ACTR10: variants seen among roughly 807,000 people sequenced by gnomAD.
ACTR10 encodes actin-related protein 10.
ACTR10 carries 43 observed loss-of-function variants against 56.2 expected under a neutral mutation model. That is an observed-to-expected ratio of 0.77 (90% confidence interval 0.60 to 0.99). ACTR10 has a LOEUF of 0.99. Ranked by LOEUF, ACTR10 falls within the 50% of genes least tolerant of loss-of-function variation. The pLI, the probability that ACTR10 is intolerant of heterozygous loss-of-function variation, is 0.00. For missense variants in ACTR10, 466 were observed against 507.8 expected (o/e 0.92, Z 0.79); for synonymous variants, 170 against 176.3 (o/e 0.96, Z 0.28).
intron 6 of ACTR10, among the ~76,000 whole-genome samples, chr14:58,214,557 C>T (rs559610450): frequency 7.2e-4 from 109 of 151,816 alleles, no homozygotes; most frequent in South Asian, 5.2e-3. Flanking sequence ...GAGGCATGAT[C>T]TCGGCTCACC....
intron 4 of ACTR10, among the ~76,000 whole-genome samples, chr14:58,210,829 A>G (rs891206515): frequency 2.0e-5 from 3 of 151,890 alleles, no homozygotes; most frequent in East Asian, 1.9e-4. Flanking sequence ...CAGATGCCAC[A>G]ACACCCAGCT....
intron 11 of ACTR10, among the ~76,000 whole-genome samples, chr14:58,230,745 T>C (rs1221880787): frequency 6.7e-6 from 1 of 150,200 alleles, no homozygotes; most frequent in Non-Finnish European, 1.5e-5. Context: ...CCCAGGATAA[T>C]GAGTGCCATG....
At chr14:58,213,508 A>T in intron 5 of ACTR10, 123 bp from the exon 6 acceptor site, 1 of 506,872 alleles carries the variant, frequency 2.0e-6, no homozygotes. Context: ...TAACTATGTT[A>T]AAAATAAGAA....
In ACTR10 at chr14:58,200,197, C is replaced by T. The variant is rs778042043; in HGVS notation, c.-21C>T. On this transcript the variant is annotated 5_prime_UTR_variant, in exon 1 of 13. Coordinates refer to ENST00000254286, the MANE Select transcript of ACTR10 (RefSeq NM_018477.3). ...TGGCCGCGGAGACTGCGACCCTCTTCTCTCAGTCTGCCTTACTACCATGCC... is the reference window on the plus strand; with the variant it reads ...TGGCCGCGGAGACTGCGACCCTCTTTTCTCAGTCTGCCTTACTACCATGCC... 5.3e-6 allele frequency: 8 copies of T among 1,506,428 alleles called. No individual in the cohort carries two copies. Among genetic ancestry groups the T allele is most frequent in the East Asian group, 2.7e-5 (1 of 36,868 alleles). The allele number at this position is 1,506,428 out of a possible 1,614,324, so 93.3% of individuals were successfully genotyped here.
intron 10 of ACTR10, among the ~76,000 whole-genome samples, chr14:58,226,683 C>CT (rs960057170): frequency 1.1e-4 from 17 of 152,008 alleles, no homozygotes; most frequent in African/African-American, 4.1e-4. Flanking sequence ...TCACCACAAC[C>CT]CCCACCTCCC....
chr14:58,223,636 GTA>G lies in ACTR10; in HGVS notation c.650_651del (p.Val217GlufsTer2). ...CTTCCTTAAAGCGCGTACTTGCTTT[GTA>G]AGTGATCTGAAGCGAGGACTAAAAA... is the stretch of plus-strand genomic sequence containing the variant. ...LEDIKARTCF[V>X]SDLKRGLKIQ... On this transcript the variant is annotated frameshift_variant, in exon 9 of 13. Coordinates refer to ENST00000254286, the MANE Select transcript of ACTR10 (RefSeq NM_018477.3). LOFTEE classifies it high-confidence loss of function. 6.2e-7 allele frequency: 1 copy of G among 1,612,666 alleles called. No homozygotes were observed. The highest frequency in any genetic ancestry group is 8.5e-7 in the Non-Finnish European group (1 of 1,179,576).
intron 1 of ACTR10, among the ~76,000 whole-genome samples, chr14:58,201,188 CT>C (rs1336911237): frequency 1.3e-5 from 2 of 152,144 alleles, no homozygotes; most frequent in Admixed American, 6.6e-5. Context: ...TTAAAAGAGC[CT>C]ATTTAAAAAT....
chr14:58,214,576 C>T (rs1294129026), intron 6 of ACTR10, among the ~76,000 whole-genome samples: 2 of 151,444 alleles, frequency 1.3e-5, no homozygotes, highest in Admixed American at 1.3e-4. Flanking sequence ...CCGCAACCTC[C>T]GCTGCCTGGT....
At chr14:58,232,402 T>TAC (rs1889561189) in intron 12 of ACTR10, 135 bp downstream of exon 12, 1 of 425,596 alleles carries the variant, frequency 2.3e-6, no homozygotes, top group African/African-American at 2.3e-5. Context: ...CACTGACTTT[T>TAC]TCTTTTTTTT....
chr14:58,217,711 C>T (rs1463860610), intron 7 of ACTR10, among the ~76,000 whole-genome samples: 1 of 151,456 alleles, frequency 6.6e-6, no homozygotes, highest in Admixed American at 6.6e-5. Flanking sequence ...TTTAAAATGT[C>T]TCTTTTCCAG....
chr14:58,215,313 G>C (rs762416596), intron 7 of ACTR10, 29 bp downstream of exon 7: 3 of 1,404,752 alleles, frequency 2.1e-6, no homozygotes, highest in Non-Finnish European at 3.0e-6. Flanking sequence ...GTTTAGGAGT[G>C]GTTTACACTC....
chr14:58,220,151 G>A (rs920849644), intron 8 of ACTR10, among the ~76,000 whole-genome samples: 17 of 152,106 alleles, frequency 1.1e-4, no homozygotes, highest in Non-Finnish European at 2.5e-4. Context: ...GAGATTTATT[G>A]CTTCTACTTT....
At chr14:58,218,735 C>T (rs1256102485) in intron 7 of ACTR10, among the ~76,000 whole-genome samples, 1 of 151,966 alleles carries the variant, frequency 6.6e-6, no homozygotes, top group Non-Finnish European at 1.5e-5. Flanking sequence ...TATTTTTCAG[C>T]TATAGATGTC....
At chr14:58,204,653 T>C (rs562073037) in intron 2 of ACTR10, among the ~76,000 whole-genome samples, 2 of 152,310 alleles carry the variant, frequency 1.3e-5, no homozygotes, top group Admixed American at 1.3e-4. Flanking sequence ...GGGACTGTTA[T>C]TAAGTAGCAA....
At chr14:58,209,871 C>T (rs1232559312) in intron 4 of ACTR10, among the ~76,000 whole-genome samples, 1 of 152,128 alleles carries the variant, frequency 6.6e-6, no homozygotes, top group Non-Finnish European at 1.5e-5. Flanking sequence ...CATACATTTA[C>T]TGAATTCAAA....
At chr14:58,208,156 A>G (rs1888912061) in intron 3 of ACTR10, 138 bp downstream of exon 3, 1 of 675,756 alleles carries the variant, frequency 1.5e-6, no homozygotes, top group African/African-American at 1.9e-5. Context: ...CTTATTTTCA[A>G]CCTTTTCAAA....
chr14:58,230,213 C>T (rs1418948857), intron 10 of ACTR10, among the ~76,000 whole-genome samples, 186 bp from the exon 11 acceptor site: 2 of 152,172 alleles, frequency 1.3e-5, no homozygotes, highest in African/African-American at 4.8e-5. Context: ...TCACCTCAAA[C>T]CCTGTGAGGC....
chr14:58,229,705 T>G (rs2140063638), intron 10 of ACTR10, among the ~76,000 whole-genome samples: 1 of 151,598 alleles, frequency 6.6e-6, no homozygotes, highest in Non-Finnish European at 1.5e-5. Flanking sequence ...GAATAGATTT[T>G]GGGTGCTCTT....
At chr14:58,209,421 A>G (rs758405585) in intron 4 of ACTR10, among the ~76,000 whole-genome samples, 26 of 152,102 alleles carry the variant, frequency 1.7e-4, no homozygotes, top group Non-Finnish European at 3.4e-4. Context: ...TTATTTTAAT[A>G]TAGGTTTTTC....
Sources: gnomAD v4.1 joint callset for allele counts (sites outside exome capture counted in the v4.1 genomes callset) on GRCh38, gnomAD v4.1.1 for gene constraint, MANE v1.5 for transcripts, NCBI Gene and HGNC (gene_info 2026-07-23, HGNC 2026-07-21) for gene names.